Variants in TRUB1 observed in about 807,000 individuals in gnomAD.
TRUB1 encodes pseudouridylate synthase TRUB1.
TRUB1 carries 23 observed loss-of-function variants against 33.9 expected under a neutral mutation model. The ratio of observed to expected loss-of-function variants is 0.68; its 90% CI spans 0.49 to 0.96. TRUB1 has a LOEUF of 0.96. Ranked by LOEUF, TRUB1 falls within the 40% of genes least tolerant of loss-of-function variation. The probability of loss-of-function intolerance (pLI) is 0.00; values close to 1 mark genes in which losing one functional copy is unlikely to be tolerated. For synonymous variants in TRUB1, 163 were observed against 165.4 expected (o/e 0.99, Z 0.11); for missense variants, 378 against 422.2 (o/e 0.90, Z 0.92).
intron 6 of TRUB1, among the ~76,000 whole-genome samples, chr10:114,972,929 A>G (rs1369593000): frequency 6.6e-6 from 1 of 152,208 alleles, no homozygotes. Context: ...GGCTGCAGAA[A>G]GTTGTAAACA....
At chr10:114,940,894 C>A (rs78827336) in intron 1 of TRUB1, among the ~76,000 whole-genome samples, 1 of 152,156 alleles carries the variant, frequency 6.6e-6, no homozygotes, top group African/African-American at 2.4e-5. Context: ...AGCAGACAAC[C>A]ATACCCTTCT....
At chr10:114,948,739 A>T (rs138662092) in intron 2 of TRUB1, among the ~76,000 whole-genome samples, 1 of 152,184 alleles carries the variant, frequency 6.6e-6, no homozygotes, top group African/African-American at 2.4e-5. Context: ...TTTAAATTTT[A>T]TCCTTCTGGG....
intron 5 of TRUB1, among the ~76,000 whole-genome samples, chr10:114,971,425 T>C (rs1337174022): frequency 6.6e-6 from 1 of 152,194 alleles, no homozygotes; most frequent in African/African-American, 2.4e-5. Flanking sequence ...TTAGTATTTA[T>C]TTTGTATTTA....
chr10:114,938,280 G>A lies in TRUB1; in HGVS notation c.27G>A (p.Val9=), dbSNP rs1214858386. MAASEAAV[V]SSPSLKTDTS... is the part of the protein sequence containing the mutation. ...TGGCCGCTTCTGAGGCGGCGGTGGTGTCTTCGCCGTCTTTGAAAACAGACA... is the reference window on the plus strand; with the variant it reads ...TGGCCGCTTCTGAGGCGGCGGTGGTATCTTCGCCGTCTTTGAAAACAGACA... The change falls in exon 1 of 8, where the codon GTG becomes GTA. Residue 9 remains valine, a synonymous_variant. Transcript: ENST00000298746. The A allele has an allele frequency of 7.4e-6, 12 of 1,614,096 alleles. No individual in the cohort carries two copies. The Middle Eastern group carries it at 8.2e-4, about 111-fold the overall frequency.
At chr10:114,939,371 C>T (rs2084174732) in intron 1 of TRUB1, among the ~76,000 whole-genome samples, 1 of 152,146 alleles carries the variant, frequency 6.6e-6, no homozygotes, top group African/African-American at 2.4e-5. Context: ...AACTCTCTTA[C>T]CTTAACTGAG....
intron 4 of TRUB1, chr10:114,960,026 G>C (rs1181805862): frequency 1.9e-5 from 9 of 480,628 alleles, no homozygotes; most frequent in South Asian, 3.2e-5. Context: ...CTATAGTGAT[G>C]TTTTAAGTGT....
chr10:114,970,380 A>G lies in TRUB1; in HGVS notation c.536A>G (p.Gln179Arg). 6.2e-7 allele frequency: 1 copy of G among 1,611,562 alleles called. No homozygotes were observed. Residue 179 changes from glutamine (Q) to arginine (R), a missense_variant, in exon 5 of 8, where the codon CAA (glutamine) becomes CGA (arginine). Transcript: ENST00000298746. ...TEEKPYDKIT[Q>R]EDIEGILQKF... ...TGATTTTTGGCAGATAAAATAACAC[A>G]AGAAGATATTGAAGGCATTCTACAG...
rs767648588 is a variant in TRUB1, at chr10:114,975,272, T to C, written c.943T>C (p.Leu315=). 1.9e-6 allele frequency: 3 copies of C among 1,613,554 alleles called. No homozygotes were observed. The Admixed American group carries it at 5.0e-5, about 27-fold the overall frequency. ...TTGCTCATCTCTTTTCCCAGCAGAG[T>C]TGGCACTTAAAAAATCAAAACCTGA... is the stretch of plus-strand genomic sequence containing the variant. ...EHCSSLFPAE[L]ALKKSKPESN... Residue 315 remains leucine (L), a synonymous_variant, in exon 8 of 8, where the codon TTG becomes CTG. Transcript: ENST00000298746.
At chr10:114,962,646 C>T (rs2084289146) in intron 4 of TRUB1, among the ~76,000 whole-genome samples, 1 of 152,026 alleles carries the variant, frequency 6.6e-6, no homozygotes, top group African/African-American at 2.4e-5. Flanking sequence ...GGGTGGAGAC[C>T]AGGGATGACA....
intron 2 of TRUB1, among the ~76,000 whole-genome samples, chr10:114,944,583 C>T (rs781089890): frequency 2.0e-5 from 3 of 152,046 alleles, no homozygotes; most frequent in Non-Finnish European, 4.4e-5. Context: ...CACTTGAACC[C>T]AGGAGACAGA....
In TRUB1 at chr10:114,976,584, A is replaced by G. The variant is rs1488108852; in HGVS notation, c.*1205A>G. 6.6e-6 allele frequency: 1 copy of G among 152,154 alleles called. No individual in the cohort carries two copies. Among genetic ancestry groups the G allele is most frequent in the Non-Finnish European group, 1.5e-5 (1 of 68,002 alleles). The allele number at this position is 152,154 out of a possible 1,614,324, so 9.4% of individuals were successfully genotyped here. ...CTCATGAGAAATTTCATAAAATACA[A>G]GTTTTTAGATGTTTATGCTTTGCCT... On this transcript the variant is annotated 3_prime_UTR_variant, in exon 8 of 8. Transcript: ENST00000298746.
chr10:114,951,261 T>C (rs2084234213), intron 3 of TRUB1, 112 bp downstream of exon 3: 12 of 729,454 alleles, frequency 1.6e-5, no homozygotes, highest in Middle Eastern at 3.3e-4. Flanking sequence ...TGGGTATCAT[T>C]CCTGAGTATT....
intron 2 of TRUB1, among the ~76,000 whole-genome samples, chr10:114,950,185 A>G (rs2084228147): frequency 6.6e-6 from 1 of 152,234 alleles, no homozygotes; most frequent in African/African-American, 2.4e-5. Context: ...GGCGTGAGCC[A>G]ACACACCTGG....
chr10:114,966,966 T>G (rs926081762), intron 4 of TRUB1, among the ~76,000 whole-genome samples: 1 of 152,206 alleles, frequency 6.6e-6, no homozygotes, highest in Admixed American at 6.5e-5. Flanking sequence ...TCAACAAAGT[T>G]TCTTCATTCT....
chr10:114,956,436 A>G (rs996349625), intron 3 of TRUB1, among the ~76,000 whole-genome samples: 1 of 152,138 alleles, frequency 6.6e-6, no homozygotes, highest in Non-Finnish European at 1.5e-5. Flanking sequence ...TTTTTCTTCT[A>G]TCCCAATATC....
intron 3 of TRUB1, among the ~76,000 whole-genome samples, chr10:114,953,888 G>T (rs2084248590): frequency 6.6e-6 from 1 of 151,988 alleles, no homozygotes; most frequent in South Asian, 2.1e-4. Flanking sequence ...TGCAGGGAGG[G>T]CACCAAGCAA....
chr10:114,959,888 C>G, intron 4 of TRUB1, 81 bp downstream of exon 4: 1 of 787,396 alleles, frequency 1.3e-6, no homozygotes, highest in Non-Finnish European at 2.1e-6. Flanking sequence ...AAACAAATCT[C>G]TGATATTATC....
chr10:114,955,856 T>C (rs1343290004), intron 3 of TRUB1, among the ~76,000 whole-genome samples: 2 of 152,220 alleles, frequency 1.3e-5, no homozygotes, highest in East Asian at 3.8e-4. Flanking sequence ...GGCTTATACT[T>C]ATGAACTATA....
At chr10:114,955,644 G>C (rs1419468356) in intron 3 of TRUB1, among the ~76,000 whole-genome samples, 1 of 152,066 alleles carries the variant, frequency 6.6e-6, no homozygotes, top group Admixed American at 6.6e-5. Flanking sequence ...CTTTCCCCAA[G>C]AACACAGTAA....
Sources: allele counts gnomAD v4.1 joint callset (sites outside exome capture counted in the v4.1 genomes callset), GRCh38; gene constraint gnomAD v4.1.1; transcripts MANE v1.5; gene names NCBI Gene and HGNC (gene_info 2026-07-23, HGNC 2026-07-21).